BMAL2: variants seen among roughly 807,000 people sequenced by gnomAD.
BMAL2 encodes the protein basic helix-loop-helix ARNT-like protein 2.
At chr12:27,403,812 G>T in the BMAL2 span, among the ~76,000 whole-genome samples, 2 of 152,102 alleles carry the variant, frequency 1.3e-5, no homozygotes, top group Non-Finnish European at 2.9e-5. Context: ...AGGCAGAATT[G>T]TAAGAATTGT....
the BMAL2 span, among the ~76,000 whole-genome samples, chr12:27,389,495 ATT>A: frequency 6.6e-6 from 1 of 152,174 alleles, no homozygotes; most frequent in African/African-American, 2.4e-5. Flanking sequence ...ACAAACACAA[ATT>A]CATTGATATG....
the BMAL2 span, chr12:27,368,210 A>T: frequency 2.5e-6 from 4 of 1,598,346 alleles, no homozygotes; most frequent in Non-Finnish European, 3.4e-6. Flanking sequence ...ATATGTACAA[A>T]GTAAAAGTTA....
At chr12:27,337,409 A>G in the BMAL2 span, among the ~76,000 whole-genome samples, 1 of 147,068 alleles carries the variant, frequency 6.8e-6, no homozygotes, top group African/African-American at 2.6e-5. Context: ...TTCTTGACCA[A>G]AGTGCCTCCA....
At chr12:27,420,019 G>GCGCGCGCGCACACACACACACACACACA in the BMAL2 span, among the ~76,000 whole-genome samples, 11 of 147,570 alleles carry the variant, frequency 7.5e-5, no homozygotes, top group African/African-American at 2.8e-4. Context: ...GTTTGCGCGT[G>GCGCGCGCGCACACACACACACACACACA]CACACACACA....
chr12:27,404,742 T>A, the BMAL2 span, among the ~76,000 whole-genome samples: 7 of 152,280 alleles, frequency 4.6e-5, no homozygotes, highest in South Asian at 8.3e-4. Context: ...TGGGGATTGT[T>A]GGACAGTGGG....
chr12:27,409,361 TAACCAAAACAGCATGGTACTGG>T, the BMAL2 span, among the ~76,000 whole-genome samples: 2 of 152,164 alleles, frequency 1.3e-5, no homozygotes, highest in African/African-American at 4.8e-5. Flanking sequence ...AAAGCTACAG[TAACCAAAACAGCATGGTACTGG>T]TACCAAAACA....
chr12:27,406,858 CAG>C, the BMAL2 span, among the ~76,000 whole-genome samples: 51 of 152,228 alleles, frequency 3.4e-4, no homozygotes, highest in African/African-American at 1.2e-3. Context: ...ATCTCATGTG[CAG>C]AGACAAACAT....
the BMAL2 span, among the ~76,000 whole-genome samples, chr12:27,354,904 C>T: frequency 4.6e-5 from 7 of 152,200 alleles, no homozygotes; most frequent in East Asian, 1.9e-4. Context: ...AACAAATGAT[C>T]GGTCTTAATT....
At chr12:27,361,813 A>C in the BMAL2 span, among the ~76,000 whole-genome samples, 1 of 152,182 alleles carries the variant, frequency 6.6e-6, no homozygotes, top group Non-Finnish European at 1.5e-5. Flanking sequence ...TCTGTTTTGA[A>C]TATACTTCTA....
At chr12:27,347,385 T>G in the BMAL2 span, among the ~76,000 whole-genome samples, 2 of 152,218 alleles carry the variant, frequency 1.3e-5, no homozygotes, top group Non-Finnish European at 2.9e-5. Flanking sequence ...AAGCCTTTGA[T>G]TAATACCTGG....
chr12:27,376,563 C>T, the BMAL2 span, among the ~76,000 whole-genome samples: 1 of 152,124 alleles, frequency 6.6e-6, no homozygotes, highest in African/African-American at 2.4e-5. Flanking sequence ...TTTCTGTCTA[C>T]TTGGATAACA....
the BMAL2 span, chr12:27,415,920 A>G: frequency 6.2e-7 from 1 of 1,605,728 alleles, no homozygotes; most frequent in Non-Finnish European, 8.5e-7. Flanking sequence ...GTTTAATGAA[A>G]GATACTCATA....
the BMAL2 span, among the ~76,000 whole-genome samples, chr12:27,334,358 G>C: frequency 2.0e-5 from 3 of 152,170 alleles, no homozygotes; most frequent in Admixed American, 1.3e-4. Context: ...TGCCTTATAG[G>C]ATTGTTAGGA....
chr12:27,403,612 CAGT>C, the BMAL2 span: 2 of 909,566 alleles, frequency 2.2e-6, no homozygotes, highest in Non-Finnish European at 3.4e-6. Flanking sequence ...ATACAAAAAT[CAGT>C]AGCCTTCCTA....
the BMAL2 span, among the ~76,000 whole-genome samples, chr12:27,397,747 G>A: frequency 6.6e-6 from 1 of 152,352 alleles, no homozygotes; most frequent in East Asian, 1.9e-4. Context: ...GGTATCTGAA[G>A]TTGTGAAATC....
At chr12:27,385,405 C>T in the BMAL2 span, 7 of 809,628 alleles carry the variant, frequency 8.6e-6, no homozygotes, top group African/African-American at 3.4e-5. Flanking sequence ...CCAGCAGCAG[C>T]AGCATTGCTA....
the BMAL2 span, among the ~76,000 whole-genome samples, chr12:27,366,904 A>G: frequency 1.3e-5 from 2 of 152,226 alleles, no homozygotes; most frequent in Non-Finnish European, 2.9e-5. Flanking sequence ...CTGGAAAGTT[A>G]TTATGTCACA....
At chr12:27,389,282 T>C in the BMAL2 span, 1 of 1,595,672 alleles carries the variant, frequency 6.3e-7, no homozygotes, top group Non-Finnish European at 8.6e-7. Flanking sequence ...AGAGAAAAGC[T>C]AATAGATGCC....
chr12:27,408,545 G>T, the BMAL2 span, among the ~76,000 whole-genome samples: 5 of 152,078 alleles, frequency 3.3e-5, no homozygotes, highest in South Asian at 2.1e-4. Context: ...ATTCAACAAC[G>T]CTTCATGCTA....
Sources: allele counts gnomAD v4.1 joint callset (sites outside exome capture counted in the v4.1 genomes callset), GRCh38; gene constraint gnomAD v4.1.1; transcripts MANE v1.5; gene names NCBI Gene and HGNC (gene_info 2026-07-23, HGNC 2026-07-21).